CSMD1: variants seen among roughly 807,000 people sequenced by gnomAD.
The protein encoded by CSMD1 is CUB and sushi domain-containing protein 1.
CSMD1 carries 213 observed loss-of-function variants against 417.5 expected under a neutral mutation model. The ratio of observed to expected loss-of-function variants is 0.51; its 90% CI spans 0.46 to 0.57. The LOEUF (loss-of-function observed/expected upper bound fraction) is 0.57. Among genes scored for constraint, CSMD1 ranks in the 20% least tolerant of loss-of-function variants. The pLI, the probability that CSMD1 is intolerant of heterozygous loss-of-function variation, is 0.00. For synonymous variants in CSMD1, 2,862 were observed against 1,736.8 expected (o/e 1.65, Z -16.11); for missense variants, 6,923 against 4,529.7 (o/e 1.53, Z -15.17).
chr8:3,558,572 CAATGATGAATGGTGT>C, intron 10 of CSMD1, among the ~76,000 whole-genome samples: 1 of 145,904 alleles, frequency 6.9e-6, no homozygotes, highest in Non-Finnish European at 1.5e-5. Flanking sequence ...TCCACTCCTG[CAATGATGAATGGTGT>C]CTCAATAGTA....
chr8:3,132,885 G>C (rs12542249), intron 41 of CSMD1, among the ~76,000 whole-genome samples: 7,330 of 152,156 alleles, frequency 0.048, 490 homozygotes, highest in East Asian at 0.36. Context: ...GGAAGGTTAG[G>C]AACCCACTCC....
chr8:3,322,720 G>T (rs554159852), intron 23 of CSMD1, among the ~76,000 whole-genome samples: 6 of 152,176 alleles, frequency 3.9e-5, no homozygotes, highest in Admixed American at 6.5e-5. Context: ...AGCCAGTGGG[G>T]CAAGGTTGCC....
intron 1 of CSMD1, among the ~76,000 whole-genome samples, chr8:4,899,911 T>C (rs1804756694): frequency 6.6e-6 from 1 of 152,210 alleles, no homozygotes; most frequent in Non-Finnish European, 1.5e-5. Context: ...CCCTAGAGTT[T>C]ACCCATCACC....
chr8:4,319,034 A>T (rs1169204364), intron 3 of CSMD1, among the ~76,000 whole-genome samples: 1 of 152,172 alleles, frequency 6.6e-6, no homozygotes, highest in Non-Finnish European at 1.5e-5. Flanking sequence ...TTGAAGGTAC[A>T]AACTCCTTGT....
chr8:4,857,357 T>C (rs1385011483), intron 1 of CSMD1, among the ~76,000 whole-genome samples: 17 of 150,688 alleles, frequency 1.1e-4, no homozygotes, highest in South Asian at 2.1e-4. Flanking sequence ...ATTAAAAGAA[T>C]TAGAAAAGCA....
chr8:4,420,367 CTTTTT>C (rs887358214), intron 2 of CSMD1, among the ~76,000 whole-genome samples: 4 of 148,460 alleles, frequency 2.7e-5, no homozygotes, highest in African/African-American at 9.9e-5. Flanking sequence ...CTACTGCCAA[CTTTTT>C]TTTTTATTTG....
chr8:4,423,241 G>C (rs112001728), intron 2 of CSMD1, among the ~76,000 whole-genome samples: 1 of 151,974 alleles, frequency 6.6e-6, no homozygotes, highest in Admixed American at 6.6e-5. Context: ...AAATATATGC[G>C]TATGGGTCAG....
Position 2,966,670 on chromosome 8 carries a change from C to A in CSMD1, c.9000G>T (p.Ser3000=), listed in dbSNP as rs371795204. The part of the protein sequence containing the change: ...VSSDGILFSS[S]VIYACWEGYK... ...AGCCTTCCCAGCAGGCATAGATGAC[C>A]GAGCTGGAGAACAGAATGCCATCAC... Residue 3000 remains serine (S), a synonymous_variant, in exon 58 of 70, where the codon TCG becomes TCT. Transcript: ENST00000635120. 4 of 1,613,574 alleles carry A rather than the reference C, an allele frequency of 2.5e-6. No individual in the cohort carries two copies. Among genetic ancestry groups the A allele is most frequent in the Admixed American group, 3.3e-5 (2 of 59,978 alleles).
chr8:3,084,217 A>T (rs1814351629), intron 49 of CSMD1, among the ~76,000 whole-genome samples: 1 of 152,122 alleles, frequency 6.6e-6, no homozygotes, highest in African/African-American at 2.4e-5. Flanking sequence ...AAGTATATAC[A>T]GCGTGTAAAA....
intron 12 of CSMD1, among the ~76,000 whole-genome samples, chr8:3,417,967 C>T (rs80292477): frequency 0.01 from 1,551 of 152,220 alleles, 44 homozygotes; most frequent in East Asian, 0.097. Context: ...TCTCCTTGTC[C>T]GTCACCATCA....
chr8:3,494,824 G>C (rs1057310847), intron 10 of CSMD1, among the ~76,000 whole-genome samples: 3 of 152,190 alleles, frequency 2.0e-5, no homozygotes, highest in Non-Finnish European at 4.4e-5. Flanking sequence ...GTTTTAGAAT[G>C]AAACAGAAAT....
chr8:4,324,888 G>A (rs1014275526), intron 3 of CSMD1, among the ~76,000 whole-genome samples: 5 of 152,148 alleles, frequency 3.3e-5, no homozygotes, highest in Admixed American at 1.3e-4. Flanking sequence ...GGATCCTCAA[G>A]GCACTCTGAG....
At chr8:3,233,473 G>T (rs113119642) in intron 26 of CSMD1, among the ~76,000 whole-genome samples, 16 of 152,174 alleles carry the variant, frequency 1.1e-4, no homozygotes, top group Non-Finnish European at 1.9e-4. Flanking sequence ...AAATTACCCA[G>T]TTTCAGATAT....
At chr8:3,665,335 G>C (rs893187194) in intron 7 of CSMD1, among the ~76,000 whole-genome samples, 1 of 152,130 alleles carries the variant, frequency 6.6e-6, no homozygotes, top group African/African-American at 2.4e-5. Flanking sequence ...TTCGAGACCA[G>C]CCTGGCCCAT....
At chr8:4,503,561 T>G (rs1452590368) in intron 2 of CSMD1, among the ~76,000 whole-genome samples, 1 of 152,158 alleles carries the variant, frequency 6.6e-6, no homozygotes, top group Non-Finnish European at 1.5e-5. Flanking sequence ...TCAAATGGAT[T>G]GGTATATGAT....
intron 4 of CSMD1, among the ~76,000 whole-genome samples, chr8:4,022,260 C>A (rs1796827854): frequency 6.6e-6 from 1 of 150,476 alleles, no homozygotes; most frequent in Non-Finnish European, 1.5e-5. Flanking sequence ...CCTCACTATT[C>A]ATTTGCTTAT....
intron 2 of CSMD1, among the ~76,000 whole-genome samples, chr8:4,519,569 G>A (rs980099327): frequency 2.0e-5 from 3 of 150,746 alleles, no homozygotes; most frequent in African/African-American, 4.9e-5. Flanking sequence ...GTGAAACCCC[G>A]TCTCTACTAA....
chr8:3,483,950 A>C (rs952837519), intron 11 of CSMD1, among the ~76,000 whole-genome samples: 2 of 152,246 alleles, frequency 1.3e-5, no homozygotes, highest in African/African-American at 4.8e-5. Context: ...CATAGTGTTC[A>C]TGAGCTGAAA....
chr8:3,451,330 T>G (rs1470335956), intron 12 of CSMD1, among the ~76,000 whole-genome samples: 2 of 152,226 alleles, frequency 1.3e-5, no homozygotes, highest in African/African-American at 4.8e-5. Flanking sequence ...TTAGATCCCA[T>G]GTGTCAATTT....
Sources: allele counts gnomAD v4.1 joint callset (sites outside exome capture counted in the v4.1 genomes callset), GRCh38; gene constraint gnomAD v4.1.1; transcripts MANE v1.5; gene names NCBI Gene and HGNC (gene_info 2026-07-23, HGNC 2026-07-21).